ENTREP2: variants seen among roughly 807,000 people sequenced by gnomAD.
ENTREP2 encodes the protein protein ENTREP2.
At chr15:29,379,343 C>A in the ENTREP2 span, among the ~76,000 whole-genome samples, 1 of 152,170 alleles carries the variant, frequency 6.6e-6, no homozygotes, top group African/African-American at 2.4e-5. Flanking sequence ...GGTAGCCTTG[C>A]CCTGAACTGA....
chr15:29,228,857 A>G, the ENTREP2 span, among the ~76,000 whole-genome samples: 2 of 152,224 alleles, frequency 1.3e-5, no homozygotes, highest in Non-Finnish European at 2.9e-5. Flanking sequence ...GATGATTCAA[A>G]GCCCAAATAG....
the ENTREP2 span, chr15:29,268,770 G>A: frequency 3.8e-6 from 6 of 1,577,742 alleles, no homozygotes; most frequent in South Asian, 3.5e-5. Context: ...CTTGTCCCGG[G>A]GGTCCCTCTG....
the ENTREP2 span, among the ~76,000 whole-genome samples, chr15:29,254,713 C>T: frequency 3.9e-4 from 60 of 152,098 alleles, no homozygotes; most frequent in Admixed American, 1.0e-3. Flanking sequence ...AAAAATTAGC[C>T]GGGCATGGTG....
chr15:29,450,590 T>G, the ENTREP2 span, among the ~76,000 whole-genome samples: 1 of 152,140 alleles, frequency 6.6e-6, no homozygotes, highest in Non-Finnish European at 1.5e-5. Context: ...GAATTACCAT[T>G]CAGCCCAGCA....
chr15:29,217,053 A>G, the ENTREP2 span, among the ~76,000 whole-genome samples: 3 of 152,320 alleles, frequency 2.0e-5, no homozygotes, highest in East Asian at 5.8e-4. Flanking sequence ...AAAGTAGGCA[A>G]AAGTTAAAAG....
At chr15:29,444,122 CAGAA>C in the ENTREP2 span, among the ~76,000 whole-genome samples, 3 of 127,412 alleles carry the variant, frequency 2.4e-5, no homozygotes, top group Non-Finnish European at 3.4e-5. Context: ...GAAAGACAGA[CAGAA>C]AGAAAGACAG....
At chr15:29,391,902 G>A in the ENTREP2 span, among the ~76,000 whole-genome samples, 3 of 152,170 alleles carry the variant, frequency 2.0e-5, no homozygotes, top group Non-Finnish European at 2.9e-5. Flanking sequence ...TCGGCTCACC[G>A]CAAGCTCCGC....
At chr15:29,270,449 G>GT in the ENTREP2 span, among the ~76,000 whole-genome samples, 1 of 152,212 alleles carries the variant, frequency 6.6e-6, no homozygotes, top group African/African-American at 2.4e-5. Flanking sequence ...TTAGGTAAAT[G>GT]TTTTAGCTTG....
At chr15:29,489,040 G>A in the ENTREP2 span, among the ~76,000 whole-genome samples, 3 of 152,150 alleles carry the variant, frequency 2.0e-5, no homozygotes, top group Non-Finnish European at 2.9e-5. Context: ...GACTTTTATA[G>A]AGGGAGTGGT....
chr15:29,279,391 A>T, the ENTREP2 span, among the ~76,000 whole-genome samples: 1 of 149,668 alleles, frequency 6.7e-6, no homozygotes, highest in Non-Finnish European at 1.5e-5. Context: ...TTTGAGATGG[A>T]GCCTGGCTGT....
the ENTREP2 span, among the ~76,000 whole-genome samples, chr15:29,592,754 A>G: frequency 2.0e-5 from 3 of 152,114 alleles, no homozygotes; most frequent in Non-Finnish European, 2.9e-5. Context: ...TGAATAGATT[A>G]ATGCTGTCCC....
At chr15:29,472,321 A>T in the ENTREP2 span, among the ~76,000 whole-genome samples, 1 of 152,070 alleles carries the variant, frequency 6.6e-6, no homozygotes. Context: ...GCAGGTCTCG[A>T]TAATCAAAAC....
chr15:29,352,368 CATT>C, the ENTREP2 span, among the ~76,000 whole-genome samples: 1 of 152,176 alleles, frequency 6.6e-6, no homozygotes, highest in Admixed American at 6.5e-5. Context: ...TAAGGCAAAT[CATT>C]ATTAATAGCC....
At chr15:29,528,393 C>T in the ENTREP2 span, among the ~76,000 whole-genome samples, 1 of 151,534 alleles carries the variant, frequency 6.6e-6, no homozygotes, top group South Asian at 2.1e-4. Context: ...TCCTTCCAAA[C>T]TAATGAAGTG....
At chr15:29,220,014 A>C in the ENTREP2 span, among the ~76,000 whole-genome samples, 2 of 152,148 alleles carry the variant, frequency 1.3e-5, no homozygotes, top group Non-Finnish European at 2.9e-5. Flanking sequence ...ACTTATGGAA[A>C]AATAAAAAAT....
the ENTREP2 span, among the ~76,000 whole-genome samples, chr15:29,655,672 A>G: frequency 3.9e-5 from 6 of 152,186 alleles, no homozygotes; most frequent in African/African-American, 1.2e-4. Flanking sequence ...ATGAATTTCA[A>G]CTAAAAAATA....
chr15:29,137,137 C>T, the ENTREP2 span: 40 of 1,476,526 alleles, frequency 2.7e-5, no homozygotes, highest in African/African-American at 7.4e-5. Context: ...TGGTGGAGAA[C>T]GGTGCCGTGA....
chr15:29,252,393 A>G, the ENTREP2 span: 1 of 1,550,966 alleles, frequency 6.4e-7, no homozygotes, highest in Non-Finnish European at 8.7e-7. Flanking sequence ...TAGGGAGTTG[A>G]CTAGCTGAGC....
the ENTREP2 span, among the ~76,000 whole-genome samples, chr15:29,601,047 G>A: frequency 3.3e-5 from 5 of 151,182 alleles, no homozygotes; most frequent in African/African-American, 4.9e-5. Context: ...ACAGGTGCCC[G>A]CCACCACGCC....
Sources: allele counts gnomAD v4.1 joint callset (sites outside exome capture counted in the v4.1 genomes callset), GRCh38; gene constraint gnomAD v4.1.1; transcripts MANE v1.5; gene names NCBI Gene and HGNC (gene_info 2026-07-23, HGNC 2026-07-21).